MTOR: variants seen among roughly 807,000 people sequenced by gnomAD.
MTOR encodes the protein serine/threonine-protein kinase mTOR.
A neutral mutation model predicts 319.8 loss-of-function variants in MTOR; 70 were observed. The observed-to-expected ratio is 0.22, with a 90% CI of 0.18 to 0.27. The LOEUF (loss-of-function observed/expected upper bound fraction) is 0.27. Among genes scored for constraint, MTOR ranks in the 10% least tolerant of loss-of-function variants. MTOR has a pLI of 1.00. For synonymous variants in MTOR, 1,183 were observed against 1,211.4 expected (o/e 0.98, Z 0.49); for missense variants, 1,890 against 3,274.4 (o/e 0.58, Z 10.32).
chr1:11,240,631 C>G (rs1167191350), intron 10 of MTOR, 84 bp from the exon 11 acceptor site: 1 of 1,514,022 alleles, frequency 6.6e-7, no homozygotes, highest in Non-Finnish European at 8.9e-7. Context: ...TCTCTCCCAG[C>G]AAGGGGATCA....
intron 53 of MTOR, 24 bp from the exon 54 acceptor site, chr1:11,112,941 T>G: frequency 4.4e-6 from 7 of 1,598,542 alleles, no homozygotes; most frequent in Non-Finnish European, 6.0e-6. Flanking sequence ...TAAAGAGTAT[T>G]GAAACATGCT....
At chr1:11,190,271 C>G (rs1049676188) in intron 28 of MTOR, among the ~76,000 whole-genome samples, 2 of 152,194 alleles carry the variant, frequency 1.3e-5, no homozygotes, top group African/African-American at 4.8e-5. Context: ...AGCTCTGCTA[C>G]TTCCTCACCA....
chr1:11,138,716 T>G (rs539253535), intron 36 of MTOR, among the ~76,000 whole-genome samples: 7 of 152,338 alleles, frequency 4.6e-5, no homozygotes, highest in Admixed American at 2.0e-4. Flanking sequence ...CAGGGCCTAC[T>G]GTTTATTAGT....
At chr1:11,217,048 G>A (rs1334941773) in intron 19 of MTOR, among the ~76,000 whole-genome samples, 5 of 152,094 alleles carry the variant, frequency 3.3e-5, no homozygotes, top group African/African-American at 1.2e-4. Flanking sequence ...AATAAATACA[G>A]CTAACTCTTG....
chr1:11,217,525 C>T (rs900648196), intron 19 of MTOR, among the ~76,000 whole-genome samples: 40 of 151,646 alleles, frequency 2.6e-4, no homozygotes, highest in African/African-American at 8.9e-4. Flanking sequence ...CTCTGCCTCC[C>T]GAGTAGCTGG....
intron 6 of MTOR, 152 bp downstream of exon 6, chr1:11,253,687 A>C: frequency 5.5e-6 from 5 of 907,436 alleles, no homozygotes; most frequent in Non-Finnish European, 8.2e-6. Flanking sequence ...CTTTCTTCAT[A>C]GAACTTGCTG....
At chr1:11,162,185 T>A (rs1299691554) in intron 29 of MTOR, among the ~76,000 whole-genome samples, 1 of 152,172 alleles carries the variant, frequency 6.6e-6, no homozygotes, top group African/African-American at 2.4e-5. Flanking sequence ...AGGGTATCAG[T>A]GACTGAAGAT....
chr1:11,246,448 T>C (rs1004808501), intron 8 of MTOR, among the ~76,000 whole-genome samples: 1 of 152,210 alleles, frequency 6.6e-6, no homozygotes, highest in Non-Finnish European at 1.5e-5. Flanking sequence ...GCCAGAACAA[T>C]AGAAACTAAC....
At position 11,108,242 on chromosome 1, in the gene MTOR, C is replaced by T. The variant is rs377231271; in HGVS notation, c.7573G>A (p.Val2525Ile). Residue 2525 changes from valine (V) to isoleucine (I), a missense_variant, in exon 57 of 58, where the codon GTT becomes ATT. Around this residue, in one of 15 missense-constraint regions of MTOR, gnomAD observed 31 missense variants for 82.1 expected, o/e 0.38. Transcript: ENST00000361445. ...HDDTLDVPTQ[V>I]ELLIKQATSH... ...GTCGCTTGTTTGATGAGCAGCTCAA[C>T]TTGCGTTGGAACATCCAAAGTGTCA... 1.2e-6 allele frequency: 2 copies of T among 1,613,864 alleles called. No individual in the cohort carries two copies. Among genetic ancestry groups the T allele is most frequent in the Non-Finnish European group, 1.7e-6 (2 of 1,179,906 alleles).
chr1:11,118,489 C>T (rs1466946646), intron 49 of MTOR, among the ~76,000 whole-genome samples: 3 of 151,660 alleles, frequency 2.0e-5, no homozygotes, highest in Non-Finnish European at 4.4e-5. Flanking sequence ...CCCGCCTCGG[C>T]CTCCTAAAGT....
intron 10 of MTOR, among the ~76,000 whole-genome samples, chr1:11,241,181 C>T (rs1387427133): frequency 2.6e-5 from 4 of 151,956 alleles, no homozygotes; most frequent in South Asian, 2.1e-4. Context: ...ATTAGCCAGG[C>T]GTGGTGGCAG....
intron 28 of MTOR, among the ~76,000 whole-genome samples, chr1:11,171,884 A>T (rs1318455575): frequency 1.3e-5 from 2 of 151,900 alleles, no homozygotes; most frequent in Non-Finnish European, 2.9e-5. Flanking sequence ...AAAATACAAA[A>T]ATTAGCCAGG....
At chr1:11,188,227 G>C (rs1645385794) in intron 28 of MTOR, among the ~76,000 whole-genome samples, 1 of 152,148 alleles carries the variant, frequency 6.6e-6, no homozygotes, top group Non-Finnish European at 1.5e-5. Context: ...AAGGACAGAG[G>C]AACCTTTGTA....
chr1:11,232,366 G>A, intron 16 of MTOR, 70 bp downstream of exon 16: 1 of 1,170,930 alleles, frequency 8.5e-7, no homozygotes, highest in Non-Finnish European at 1.3e-6. Flanking sequence ...ACACTAAGGT[G>A]AATAAAGAGA....
rs531176850 is a variant in MTOR at position 11,248,598 on chromosome 1, G to A, written c.841-504C>T. ...AGGCCAAGGTGGGCAGATCACCTGA[G>A]GTCAGGAGTTCAAGCCCAGCCTGGC... is the stretch of plus-strand genomic sequence containing the variant. On this transcript the variant is annotated intron_variant, in intron 6 of 57. Coordinates refer to ENST00000361445, the MANE Select transcript of MTOR (RefSeq NM_004958.4). Among the ~76,000 whole-genome samples, 31 of 152,190 alleles carry A rather than the reference G, an allele frequency of 2.0e-4. 1 individual carries two copies. Among genetic ancestry groups the A allele is most frequent in the Middle Eastern group, 3.4e-3 (1 of 292 alleles).
chr1:11,173,048 C>T (rs980539467), intron 28 of MTOR, among the ~76,000 whole-genome samples: 1 of 151,402 alleles, frequency 6.6e-6, no homozygotes, highest in Non-Finnish European at 1.5e-5. Flanking sequence ...GGCTGGAGTG[C>T]AATGGCACGA....
intron 33 of MTOR, 54 bp from the exon 34 acceptor site, chr1:11,144,809 A>T (rs1352444528): frequency 1.9e-6 from 3 of 1,566,256 alleles, no homozygotes; most frequent in Non-Finnish European, 2.6e-6. Context: ...AATCCAAAAG[A>T]CAGGATTAAT....
rs368410092 is a variant in MTOR, at chr1:11,256,988, T to G, written c.449A>C (p.Lys150Thr). 6.2e-7 allele frequency: 1 copy of G among 1,614,122 alleles called. No individual in the cohort carries two copies. Among genetic ancestry groups the G allele is most frequent in the Admixed American group, 1.7e-5 (1 of 60,012 alleles). The change falls in exon 4 of 58, where the codon AAG (lysine) becomes ACG (threonine). Residue 150 changes from lysine to threonine, a missense_variant. Lys to Thr is a moderately conservative substitution (Grantham distance 78, BLOSUM62 -1). Coordinates refer to ENST00000361445, the MANE Select transcript of MTOR (RefSeq NM_004958.4). ...AGCACCCAGCCATTCCAGGGCTCGC[T>G]TCACCTCAAATTCCACGTACTCAGC... ...FTAEYVEFEVKRALEWLGADR... is the reference protein window; with the variant it reads ...FTAEYVEFEVTRALEWLGADR...
At position 11,247,693 on chromosome 1, in the gene MTOR, G is replaced by C; in HGVS notation, c.1157C>G (p.Ser386Trp). Residue 386 changes from serine to tryptophan, a missense_variant, in exon 8 of 58, where the codon TCG becomes TGG. Physicochemically the swap from Ser to Trp is radical, Grantham distance 177. Around this residue, in one of 15 missense-constraint regions of MTOR, gnomAD observed 418 missense variants for 543.1 expected, o/e 0.77. Coordinates refer to ENST00000361445, the MANE Select transcript of MTOR (RefSeq NM_004958.4). Reference sequence around the variant, plus strand: ...ATTAAGGATTGTCATTTGGATCAGCGAGTTCTTGCTATTCCTGCATTTCAG... The same window carrying C: ...ATTAAGGATTGTCATTTGGATCAGCCAGTTCTTGCTATTCCTGCATTTCAG... Reference protein sequence around the residue: ...WVLKCRNSKNSLIQMTILNLL... With the variant: ...WVLKCRNSKNWLIQMTILNLL... 1 of 1,614,192 alleles carries C rather than the reference G, an allele frequency of 6.2e-7. No individual in the cohort carries two copies. The highest frequency in any genetic ancestry group is 1.3e-5 in the African/African-American group (1 of 75,046).
Sources: allele counts gnomAD v4.1 joint callset (sites outside exome capture counted in the v4.1 genomes callset), GRCh38; gene constraint gnomAD v4.1.1; regional missense constraint gnomAD v4.1.1; transcripts MANE v1.5; gene names NCBI Gene and HGNC (gene_info 2026-07-23, HGNC 2026-07-21).